The following PCDH9 variants were observed in gnomAD, a reference collection of about 807,000 sequenced individuals.
PCDH9 encodes the protein protocadherin-9.
In PCDH9, 24 loss-of-function variants were observed where a neutral mutation model predicts 70.6. The ratio of observed to expected loss-of-function variants is 0.34; its 90% CI spans 0.25 to 0.48. The LOEUF is 0.48. PCDH9 is among the 20% of genes least tolerant of loss of function. PCDH9 has a pLI of 0.99. For synonymous variants in PCDH9, 562 were observed against 558.5 expected, an observed-to-expected ratio of 1.01 and a Z score of -0.09; for missense variants, 1,281 against 1,503.6, an observed-to-expected ratio of 0.85 and a Z score of 2.45.
chr13:66,888,043 G>T (rs1210452760), intron 3 of PCDH9, among the ~76,000 whole-genome samples: 1 of 152,160 alleles, frequency 6.6e-6, no homozygotes, highest in Non-Finnish European at 1.5e-5. Flanking sequence ...CTGTGACATG[G>T]TTTTACTGAA....
intron 3 of PCDH9, among the ~76,000 whole-genome samples, chr13:66,823,748 A>G (rs973428695): frequency 6.6e-6 from 1 of 152,132 alleles, no homozygotes; most frequent in Admixed American, 6.5e-5. Context: ...AATATTCTAA[A>G]TAATTCAATA....
At chr13:66,845,376 C>T (rs2081189632) in intron 3 of PCDH9, among the ~76,000 whole-genome samples, 1 of 152,224 alleles carries the variant, frequency 6.6e-6, no homozygotes, top group Admixed American at 6.5e-5. Context: ...TGTGACAGCG[C>T]CCTGGATCAG....
chr13:66,969,841 C>T (rs971324351), intron 2 of PCDH9, among the ~76,000 whole-genome samples: 2 of 151,924 alleles, frequency 1.3e-5, no homozygotes, highest in South Asian at 2.1e-4. Context: ...TATACACTCT[C>T]GAAGCACAAT....
At chr13:66,665,971 T>C (rs2078091368) in intron 3 of PCDH9, among the ~76,000 whole-genome samples, 1 of 152,220 alleles carries the variant, frequency 6.6e-6, no homozygotes, top group Non-Finnish European at 1.5e-5. Flanking sequence ...CAAAGATTTC[T>C]CCTTCAGGCC....
rs980545349 is a variant in PCDH9 at position 67,031,480 on chromosome 13, G to A, written c.3037-127875C>T. Among the ~76,000 whole-genome samples the A allele has an allele frequency of 4.0e-5, 6 of 151,896 alleles. 1 individual carries two copies. The East Asian group carries it at 7.7e-4, about 20-fold the overall frequency. Reference sequence around the variant, plus strand: ...AGCACTTTGGTAGACAGAAGCAGGCGGGTCACTTGAGGTCTGGAGTGGTGA... The same window carrying A: ...AGCACTTTGGTAGACAGAAGCAGGCAGGTCACTTGAGGTCTGGAGTGGTGA... On this transcript the variant is annotated intron_variant, in intron 2 of 4. Coordinates refer to ENST00000377865, the MANE Select transcript of PCDH9 (RefSeq NM_203487.3).
At chr13:67,032,661 A>G (rs2084931121) in intron 2 of PCDH9, among the ~76,000 whole-genome samples, 1 of 152,194 alleles carries the variant, frequency 6.6e-6, no homozygotes, top group Non-Finnish European at 1.5e-5. Context: ...TTATGAGACT[A>G]TTTGGACAAA....
At chr13:67,171,497 C>T (rs1212465389) in intron 2 of PCDH9, among the ~76,000 whole-genome samples, 1 of 152,130 alleles carries the variant, frequency 6.6e-6, no homozygotes, top group Non-Finnish European at 1.5e-5. Flanking sequence ...AAGTTGGAAG[C>T]CTTGAAACAA....
intron 4 of PCDH9, among the ~76,000 whole-genome samples, chr13:66,326,991 T>C (rs930493211): frequency 1.3e-5 from 2 of 152,080 alleles, no homozygotes; most frequent in African/African-American, 4.8e-5. Flanking sequence ...TTTTTTGTTT[T>C]TCTTTTTTTT....
intron 2 of PCDH9, among the ~76,000 whole-genome samples, chr13:67,035,177 C>T (rs1364373807): frequency 6.6e-6 from 1 of 152,108 alleles, no homozygotes; most frequent in Non-Finnish European, 1.5e-5. Context: ...CAAGGGTACA[C>T]CACAGAATAC....
intron 4 of PCDH9, among the ~76,000 whole-genome samples, chr13:66,604,722 A>C (rs1199170628): frequency 6.6e-6 from 1 of 152,118 alleles, no homozygotes; most frequent in Non-Finnish European, 1.5e-5. Flanking sequence ...TATATACACA[A>C]ATAGAACAAA....
At chr13:66,819,114 C>T (rs1052593751) in intron 3 of PCDH9, among the ~76,000 whole-genome samples, 8 of 151,972 alleles carry the variant, frequency 5.3e-5, no homozygotes, top group Admixed American at 5.2e-4. Context: ...TATTCCAGCT[C>T]ATCAGGTCCT....
intron 2 of PCDH9, among the ~76,000 whole-genome samples, chr13:67,018,560 A>G (rs1431948807): frequency 6.7e-6 from 1 of 149,702 alleles, no homozygotes; most frequent in Non-Finnish European, 1.5e-5. Flanking sequence ...CAGAAGTTGC[A>G]GTGAACCTAG....
intron 2 of PCDH9, among the ~76,000 whole-genome samples, chr13:67,102,506 A>T (rs1039176700): frequency 2.6e-5 from 4 of 152,184 alleles, no homozygotes; most frequent in Non-Finnish European, 5.9e-5. Context: ...AAGGTGCTCT[A>T]AATGATGAAT....
intron 2 of PCDH9, among the ~76,000 whole-genome samples, chr13:67,160,887 G>A (rs1215108560): frequency 6.6e-6 from 1 of 152,186 alleles, no homozygotes; most frequent in Non-Finnish European, 1.5e-5. Flanking sequence ...TTAGGAGCCA[G>A]TTTGTGGAAT....
intron 3 of PCDH9, among the ~76,000 whole-genome samples, chr13:66,783,665 A>C (rs2080035265): frequency 6.6e-6 from 1 of 152,172 alleles, no homozygotes; most frequent in South Asian, 2.1e-4. Context: ...ACATAAAATC[A>C]CTTCAGATAT....
rs117164390 is a variant in PCDH9 at position 66,418,309 on chromosome 13, A to G, written c.3341-113281T>C. Among the ~76,000 whole-genome samples the G allele has an allele frequency of 5.9e-3, 904 of 152,256 alleles. 6 individuals are homozygous for G. Among genetic ancestry groups the G allele is most frequent in the Admixed American group, 8.8e-3 (135 of 15,282 alleles). ...TTTGGTCAGGTTTGTCAAAGATCAG[A>G]TGGTGTTAGATGTGTGTTATTTCTG... On this transcript the variant is annotated intron_variant, in intron 4 of 4. Transcript: ENST00000377865.
intron 4 of PCDH9, among the ~76,000 whole-genome samples, chr13:66,312,458 A>G (rs1288813723): frequency 2.0e-5 from 3 of 152,060 alleles, no homozygotes; most frequent in Non-Finnish European, 2.9e-5. Context: ...AAAAAATACA[A>G]ATATTAGCCA....
intron 4 of PCDH9, among the ~76,000 whole-genome samples, chr13:66,394,941 GTATA>G (rs1281544121): frequency 6.6e-5 from 10 of 152,180 alleles, no homozygotes; most frequent in Admixed American, 3.9e-4. Context: ...TAAGATGGGA[GTATA>G]TATATTTTAA....
chr13:66,317,793 T>G (rs1387840039), intron 4 of PCDH9, among the ~76,000 whole-genome samples: 2 of 151,752 alleles, frequency 1.3e-5, no homozygotes, highest in African/African-American at 4.8e-5. Context: ...GTTTAGATTT[T>G]TTATAACTAT....
Sources: gnomAD v4.1 joint callset for allele counts (sites outside exome capture counted in the v4.1 genomes callset) on GRCh38, gnomAD v4.1.1 for gene constraint, MANE v1.5 for transcripts, NCBI Gene and HGNC (gene_info 2026-07-23, HGNC 2026-07-21) for gene names.